The following COL21A1 variants were observed in gnomAD, a reference collection of about 807,000 sequenced individuals.
COL21A1 encodes the protein collagen type XXI alpha 1 chain.
In COL21A1, 149 loss-of-function variants were observed where a neutral mutation model predicts 137.9. That is an observed-to-expected ratio of 1.08 (90% CI 0.95 to 1.24). The LOEUF is 1.24. COL21A1 is among the 50% of genes most tolerant of loss of function. COL21A1 has a pLI of 0.00. For missense variants in COL21A1, 1,167 were observed against 1,158.4 expected, an observed-to-expected ratio of 1.01 and a Z score of -0.11; for synonymous variants, 456 against 391.5, an observed-to-expected ratio of 1.16 and a Z score of -1.95.
chr6:56,277,722 T>C (rs66796842), intron 1 of COL21A1, among the ~76,000 whole-genome samples: 25,474 of 152,216 alleles, frequency 0.17, 3,575 homozygotes, highest in East Asian at 0.62. Flanking sequence ...GTCATTCAGA[T>C]ATTAAACATT....
At chr6:56,083,472 T>A (rs1402125758) in intron 17 of COL21A1, among the ~76,000 whole-genome samples, 3 of 152,004 alleles carry the variant, frequency 2.0e-5, no homozygotes. Context: ...TTAGATAATC[T>A]GGAATAAAAT....
intron 1 of COL21A1, among the ~76,000 whole-genome samples, chr6:56,365,729 A>T (rs1766083472): frequency 6.6e-6 from 1 of 152,192 alleles, no homozygotes; most frequent in Non-Finnish European, 1.5e-5. Flanking sequence ...TTATATGTCA[A>T]TGCCTCACAG....
intron 1 of COL21A1, among the ~76,000 whole-genome samples, chr6:56,229,456 G>A (rs185430702): frequency 2.8e-4 from 43 of 151,930 alleles, no homozygotes; most frequent in Non-Finnish European, 5.7e-4. Context: ...TTAATATCTC[G>A]AAAGGAGACT....
intron 3 of COL21A1, among the ~76,000 whole-genome samples, chr6:56,176,555 A>G (rs1777484555): frequency 6.7e-6 from 1 of 150,046 alleles, no homozygotes; most frequent in African/African-American, 2.4e-5. Context: ...AATCAATACT[A>G]CAATGAAATG....
intron 1 of COL21A1, among the ~76,000 whole-genome samples, chr6:56,189,876 A>G (rs916607673): frequency 2.0e-5 from 3 of 152,222 alleles, no homozygotes; most frequent in Non-Finnish European, 4.4e-5. Context: ...ACTAAGCTTC[A>G]TAAGCTAAGG....
intron 16 of COL21A1, among the ~76,000 whole-genome samples, chr6:56,102,690 A>T (rs1406686275): frequency 2.0e-5 from 3 of 152,162 alleles, no homozygotes; most frequent in Non-Finnish European, 4.4e-5. Flanking sequence ...GGCAAACATA[A>T]TCAGTACTTA....
chr6:56,378,760 G>A (rs2094004010), intron 1 of COL21A1, among the ~76,000 whole-genome samples: 3 of 152,304 alleles, frequency 2.0e-5, no homozygotes, highest in South Asian at 4.1e-4. Context: ...TGGTTACAGG[G>A]GGCCTTGGGC....
In COL21A1 at chr6:56,098,606, AAT is replaced by A. The variant is rs377218351; in HGVS notation, c.1812+2864_1812+2865del. On this transcript the variant is annotated intron_variant, in intron 17 of 29. Transcript: ENST00000244728. Reference sequence around the variant, plus strand: ...ATATAAATATATAAATATATATATAAATATATATAAATATATATAAATATATA... The same window carrying A: ...ATATAAATATATAAATATATATATAAATATATAAATATATATAAATATATA... Among the ~76,000 whole-genome samples, 9 of 3,052 alleles carry A rather than the reference AAT, an allele frequency of 2.9e-3. 1 individual carries two copies. The highest frequency in any genetic ancestry group is 4.3e-3 in the Non-Finnish European group (6 of 1,386). The allele number at this position is 3,052 out of a possible 152,430, so 2.0% of individuals were successfully genotyped here.
At chr6:56,195,178 C>A (rs1024721033) in intron 1 of COL21A1, among the ~76,000 whole-genome samples, 3 of 151,984 alleles carry the variant, frequency 2.0e-5, no homozygotes, top group Non-Finnish European at 4.4e-5. Flanking sequence ...TAATTTTTTT[C>A]TTTATAAATT....
intron 17 of COL21A1, among the ~76,000 whole-genome samples, chr6:56,083,458 C>A (rs559543385): frequency 1.1e-4 from 16 of 151,906 alleles, no homozygotes; most frequent in Non-Finnish European, 1.8e-4. Context: ...CAGATTGGGC[C>A]TCCTTAGATA....
At position 56,173,159 on chromosome 6, in the gene COL21A1, C is replaced by T. The variant is rs1020366156; in HGVS notation, c.641-2031G>A. ...TATACTATCTATGAAAGACTCTAGC[C>T]TGGGCAACATGGCAAAACCCCATCT... On this transcript the variant is annotated intron_variant, in intron 3 of 29. Coordinates refer to ENST00000244728, the MANE Select transcript of COL21A1 (RefSeq NM_030820.4). Among the ~76,000 whole-genome samples the T allele has an allele frequency of 2.0e-5, 3 of 152,180 alleles. No homozygotes were observed. In the South Asian group the frequency reaches 6.2e-4, roughly 32 times the overall value.
intron 1 of COL21A1, among the ~76,000 whole-genome samples, chr6:56,194,951 G>T (rs1045374531): frequency 3.3e-5 from 5 of 152,168 alleles, no homozygotes; most frequent in Middle Eastern, 3.2e-3. Context: ...TCCATTCACA[G>T]ATTAGTGGAT....
At chr6:56,213,314 T>C (rs1269955105) in intron 1 of COL21A1, among the ~76,000 whole-genome samples, 2 of 152,156 alleles carry the variant, frequency 1.3e-5, no homozygotes, top group East Asian at 3.9e-4. Context: ...ACTTACATTA[T>C]CCATGATTAC....
At chr6:56,150,561 C>T (rs1775237488) in intron 10 of COL21A1, among the ~76,000 whole-genome samples, 1 of 119,718 alleles carries the variant, frequency 8.4e-6, no homozygotes, top group Non-Finnish European at 1.8e-5. Flanking sequence ...CACACACACA[C>T]ACACAAGAGT....
chr6:56,146,084 A>G (rs1217180894), intron 10 of COL21A1, among the ~76,000 whole-genome samples: 1 of 152,156 alleles, frequency 6.6e-6, no homozygotes, highest in Non-Finnish European at 1.5e-5. Context: ...GCCAATCTAA[A>G]TATACACATT....
chr6:56,352,088 T>A (rs1287972157), intron 1 of COL21A1, among the ~76,000 whole-genome samples: 3 of 152,186 alleles, frequency 2.0e-5, no homozygotes, highest in Admixed American at 6.5e-5. Flanking sequence ...GGAAACATAG[T>A]GAGACCTTAT....
At chr6:56,103,425 A>G (rs1047735987) in intron 16 of COL21A1, among the ~76,000 whole-genome samples, 1 of 152,208 alleles carries the variant, frequency 6.6e-6, no homozygotes, top group Non-Finnish European at 1.5e-5. Context: ...AATAGTAGAA[A>G]CAATTAATTT....
At chr6:56,076,483 AC>A (rs1767257506) in intron 18 of COL21A1, among the ~76,000 whole-genome samples, 1 of 146,898 alleles carries the variant, frequency 6.8e-6, no homozygotes, top group East Asian at 2.0e-4. Flanking sequence ...AATTAAAAAA[AC>A]AGAATCATGA....
intron 21 of COL21A1, among the ~76,000 whole-genome samples, chr6:56,069,678 A>G (rs1447357643): frequency 6.7e-6 from 1 of 150,344 alleles, no homozygotes; most frequent in African/African-American, 2.4e-5. Flanking sequence ...TTATCTTTTA[A>G]TCTCTAAATA....
Sources: allele counts gnomAD v4.1 joint callset (sites outside exome capture counted in the v4.1 genomes callset), GRCh38; gene constraint gnomAD v4.1.1; transcripts MANE v1.5; gene names NCBI Gene and HGNC (gene_info 2026-07-23, HGNC 2026-07-21).